Variants in PPA2 observed in about 807,000 individuals in gnomAD.
PPA2 encodes the protein inorganic pyrophosphatase 2, also known as inorganic pyrophosphatase 2, mitochondrial.
PPA2 carries 48 observed loss-of-function variants against 49.5 expected under a neutral mutation model. That is an observed-to-expected ratio of 0.97 (90% CI 0.77 to 1.23). The LOEUF (loss-of-function observed/expected upper bound fraction) is 1.23, where lower values mean the gene tolerates loss of function less well. Among genes scored for constraint, PPA2 ranks in the 50% most tolerant of loss-of-function variants. The pLI is 0.00. For synonymous variants in PPA2, 131 were observed against 139.9 expected, an observed-to-expected ratio of 0.94 and a Z score of 0.45; for missense variants, 429 against 410.1, an observed-to-expected ratio of 1.05 and a Z score of -0.40.
intron 1 of PPA2, among the ~76,000 whole-genome samples, chr4:105,458,526 A>G (rs1722955378): frequency 6.6e-6 from 1 of 152,110 alleles, no homozygotes; most frequent in Non-Finnish European, 1.5e-5. Context: ...GATTCTGCCC[A>G]ACAAAAACAG....
chr4:105,454,501 T>A (rs1046580766), intron 2 of PPA2, among the ~76,000 whole-genome samples: 6 of 151,984 alleles, frequency 3.9e-5, no homozygotes, highest in Non-Finnish European at 8.8e-5. Context: ...TGGCTAATTT[T>A]TTTTTGTATT....
chr4:105,467,508 T>C (rs1479243149), intron 1 of PPA2, among the ~76,000 whole-genome samples: 1 of 152,148 alleles, frequency 6.6e-6, no homozygotes, highest in Non-Finnish European at 1.5e-5. Flanking sequence ...ATTTTTTGAG[T>C]GAAATGGAAA....
rs565364532 is a variant in PPA2, at chr4:105,403,547, G to A, written c.656-4383C>T. Among the ~76,000 whole-genome samples the A allele has an allele frequency of 1.7e-4, 26 of 152,102 alleles. No homozygotes were observed. The South Asian group carries it at 4.4e-3, about 26-fold the overall frequency. ...TCTATATAAATACATTGAAAATATT[G>A]TAAATTTCTCTCTAAAATTCCAGTT... On this transcript the variant is annotated intron_variant, in intron 7 of 11. Transcript: ENST00000341695.
At chr4:105,386,213 A>G (rs757767802) in intron 10 of PPA2, among the ~76,000 whole-genome samples, 7 of 152,156 alleles carry the variant, frequency 4.6e-5, no homozygotes, top group Non-Finnish European at 8.8e-5. Flanking sequence ...AACTGTGCCA[A>G]TAGCCAGTTC....
chr4:105,431,686 C>T (rs1301391545), intron 6 of PPA2, among the ~76,000 whole-genome samples: 1 of 152,108 alleles, frequency 6.6e-6, no homozygotes, highest in East Asian at 1.9e-4. Context: ...GCCAAATGCC[C>T]ATCAACTAAT....
intron 10 of PPA2, among the ~76,000 whole-genome samples, chr4:105,381,492 A>C (rs1733486103): frequency 6.6e-6 from 1 of 152,112 alleles, no homozygotes; most frequent in Non-Finnish European, 1.5e-5. Flanking sequence ...CTGATGAAAA[A>C]AATAGACTGA....
At chr4:105,405,864 T>G (rs1207772403) in intron 7 of PPA2, 1 of 456,524 alleles carries the variant, frequency 2.2e-6, no homozygotes, top group South Asian at 1.6e-5. Context: ...TGCAGGCAGG[T>G]AGGACAGGCT....
At chr4:105,373,934 T>G (rs1733134522) in intron 10 of PPA2, among the ~76,000 whole-genome samples, 1 of 152,148 alleles carries the variant, frequency 6.6e-6, no homozygotes, top group Non-Finnish European at 1.5e-5. Flanking sequence ...ACATCAGCTA[T>G]TTGACTCTTT....
At chr4:105,467,610 G>A (rs1343783986) in intron 1 of PPA2, among the ~76,000 whole-genome samples, 1 of 152,152 alleles carries the variant, frequency 6.6e-6, no homozygotes. Context: ...GACTATACAG[G>A]GCTAAGGGTG....
chr4:105,409,205 G>A (rs555857426), intron 7 of PPA2, among the ~76,000 whole-genome samples: 24 of 152,338 alleles, frequency 1.6e-4, no homozygotes, highest in Admixed American at 7.8e-4. Context: ...CCAAATATGC[G>A]CTTTTCCCAC....
At chr4:105,411,177 G>A (rs1722737944) in intron 7 of PPA2, among the ~76,000 whole-genome samples, 1 of 152,134 alleles carries the variant, frequency 6.6e-6, no homozygotes. Context: ...TGCATCTCAA[G>A]TGCAGAGACA....
At chr4:105,468,969 G>A (rs1438595368) in intron 1 of PPA2, among the ~76,000 whole-genome samples, 3 of 152,076 alleles carry the variant, frequency 2.0e-5, no homozygotes, top group Middle Eastern at 3.2e-3. Context: ...TACGTCCCCT[G>A]AACACATATA....
At chr4:105,392,373 A>T (rs767407408) in intron 9 of PPA2, among the ~76,000 whole-genome samples, 7 of 148,634 alleles carry the variant, frequency 4.7e-5, no homozygotes, top group Non-Finnish European at 4.4e-5. Context: ...TACCTGGATT[A>T]AAAAAAAACA....
chr4:105,376,686 C>T (rs757304996), intron 10 of PPA2, among the ~76,000 whole-genome samples: 5 of 152,154 alleles, frequency 3.3e-5, no homozygotes, highest in Non-Finnish European at 7.4e-5. Context: ...TTCCCTAGAA[C>T]TGAGCAAGTG....
intron 9 of PPA2, among the ~76,000 whole-genome samples, chr4:105,394,444 T>C (rs934706465): frequency 6.6e-6 from 1 of 151,684 alleles, no homozygotes; most frequent in Non-Finnish European, 1.5e-5. Context: ...ATGCATTGTG[T>C]GACCTTAGGT....
intron 7 of PPA2, among the ~76,000 whole-genome samples, chr4:105,411,292 C>T (rs1578832775): frequency 6.6e-6 from 1 of 152,230 alleles, no homozygotes; most frequent in South Asian, 2.1e-4. Flanking sequence ...CTTAAACCAA[C>T]ACGGATCAAA....
intron 8 of PPA2, among the ~76,000 whole-genome samples, chr4:105,396,726 T>C (rs1257779013): frequency 6.6e-6 from 1 of 152,142 alleles, no homozygotes; most frequent in African/African-American, 2.4e-5. Flanking sequence ...TCATACGATC[T>C]GCAAAGCCTA....
intron 7 of PPA2, among the ~76,000 whole-genome samples, chr4:105,413,721 A>G (rs1278145902): frequency 6.6e-6 from 1 of 152,238 alleles, no homozygotes; most frequent in Non-Finnish European, 1.5e-5. Flanking sequence ...GAAAAATTGT[A>G]TACACAGACA....
chr4:105,443,829 G>C (rs769809124), intron 5 of PPA2, among the ~76,000 whole-genome samples: 2 of 151,968 alleles, frequency 1.3e-5, no homozygotes, highest in Non-Finnish European at 2.9e-5. Context: ...CTTTATACTT[G>C]CTGTTTCTTG....
Sources: allele counts gnomAD v4.1 joint callset (sites outside exome capture counted in the v4.1 genomes callset), GRCh38; gene constraint gnomAD v4.1.1; transcripts MANE v1.5; gene names NCBI Gene and HGNC (gene_info 2026-07-23, HGNC 2026-07-21).